ANKRD36: variants seen among roughly 807,000 people sequenced by gnomAD.
The protein encoded by ANKRD36 is ankyrin repeat domain-containing protein 36A.
ANKRD36 carries 179 observed loss-of-function variants against 278.1 expected under a neutral mutation model. The ratio of observed to expected loss-of-function variants is 0.64; its 90% confidence interval spans 0.57 to 0.73. ANKRD36 has a LOEUF of 0.73. ANKRD36 is among the 30% of genes least tolerant of loss of function. The pLI, the probability that ANKRD36 is intolerant of heterozygous loss-of-function variation, is 0.00. For missense variants in ANKRD36, 1,159 were observed against 1,956.7 expected, an observed-to-expected ratio of 0.59 and a Z score of 7.69; for synonymous variants, 320 against 641.1, an observed-to-expected ratio of 0.50 and a Z score of 7.57.
rs2058075293 is a variant in ANKRD36, at chr2:97,189,428, A to G, written c.2245+138A>G. The G allele has an allele frequency of 5.0e-5, 22 of 438,242 alleles. 7 individuals carry two copies. The highest frequency in any genetic ancestry group is 4.1e-4 in the South Asian group (22 of 54,318). 27.1% of individuals were successfully genotyped at this position (438,242 alleles called of 1,614,324 possible). A position where few individuals can be genotyped will look rare whatever the true frequency, so the allele number is the denominator to read the frequency against. On this transcript the variant is annotated intron_variant, in intron 34 of 75. Coordinates refer to ENST00000420699, the MANE Select transcript of ANKRD36 (RefSeq NM_001354587.1). ...TGATTCAGCAGGCCTGAGAGTCTTCATTTGTAATAAATTCCTGGGTGACGC... is the reference window on the plus strand; with the variant it reads ...TGATTCAGCAGGCCTGAGAGTCTTCGTTTGTAATAAATTCCTGGGTGACGC...
At chr2:97,149,811 T>G (rs1006884237) in intron 12 of ANKRD36, among the ~76,000 whole-genome samples, 1 of 151,724 alleles carries the variant, frequency 6.6e-6, no homozygotes, top group Non-Finnish European at 1.5e-5. Flanking sequence ...GCATATAGTT[T>G]CTTTTTATTT....
rs10171441 is a variant in ANKRD36, at chr2:97,211,555, C to T, written c.3377C>T (p.Pro1126Leu). ...DGEKSRTVSS[P>L]KQPALKAICD... ...CCCTTTTGCTTTTCAGTGTCTTCTC[C>T]GAAACAACCAGCATTGAAGGTAATT... The change falls in exon 57 of 76, where the codon CCG becomes CTG. Residue 1126 changes from proline (P) to leucine (L), a missense_variant. Coordinates refer to ENST00000420699, the MANE Select transcript of ANKRD36 (RefSeq NM_001354587.1). 1.5e-5 allele frequency: 24 copies of T among 1,606,004 alleles called. No individual in the cohort carries two copies. In the Admixed American group the frequency reaches 3.2e-4, roughly 21 times the overall value.
In ANKRD36 at chr2:97,181,741, T is replaced by G. The variant is rs866457597; in HGVS notation, c.1785T>G (p.Asp595Glu). The G allele has an allele frequency of 6.2e-7, 1 of 1,609,376 alleles. No individual in the cohort carries two copies. ...PAEKATSDEK[D>E]SVSNIATEIK... is the part of the protein sequence containing the mutation. Reference sequence around the variant, plus strand: ...TTCAGGCTACAAGTGACGAGAAAGATTCTGTTTCAAATATAGCCACAGAAA... The same window carrying G: ...TTCAGGCTACAAGTGACGAGAAAGAGTCTGTTTCAAATATAGCCACAGAAA... Residue 595 changes from aspartate to glutamate, a missense_variant, in exon 26 of 76, where the codon GAT becomes GAG. Physicochemically the swap from Asp to Glu is conservative, Grantham distance 45. Transcript: ENST00000420699.
rs201655948 is a variant in ANKRD36, at chr2:97,163,655, G to A, written c.1430-628G>A. ...CAGTGGCGGGATCTCGGCTCACTGC[G>A]AACTCCGCCTCCCGGGTTCACGCCA... On this transcript the variant is annotated intron_variant, in intron 18 of 75. Transcript: ENST00000420699. 2.4e-4 allele frequency: 17 copies of A among 72,000 alleles called. No individual in the cohort carries two copies. In the Middle Eastern group the frequency reaches 0.019, roughly 81 times the overall value. The allele number at this position is 72,000 out of a possible 1,614,324, so 4.5% of individuals were successfully genotyped here.
At chr2:97,193,760 A>G (rs1254971539) in intron 38 of ANKRD36, among the ~76,000 whole-genome samples, 1 of 151,682 alleles carries the variant, frequency 6.6e-6, no homozygotes, top group Non-Finnish European at 1.5e-5. Flanking sequence ...AGTTATAAAA[A>G]TCAGATAATC....
In ANKRD36 at chr2:97,189,407, T is replaced by C. The variant is rs1558614436; in HGVS notation, c.2245+117T>C. 4 of 499,572 alleles carry C rather than the reference T, an allele frequency of 8.0e-6. 1 individual carries two copies. The highest frequency in any genetic ancestry group is 2.8e-5 in the East Asian group (1 of 35,346). The allele number at this position is 499,572 out of a possible 1,614,324, so 30.9% of individuals were successfully genotyped here. A position where few individuals can be genotyped will look rare whatever the true frequency, so the allele number is the denominator to read the frequency against. The stretch of plus-strand genomic sequence containing the variant: ...GCTCGCCTAATCTGCACATTCTGAT[T>C]CAGCAGGCCTGAGAGTCTTCATTTG... On this transcript the variant is annotated intron_variant, in intron 34 of 75. Transcript: ENST00000420699.
intron 68 of ANKRD36, among the ~76,000 whole-genome samples, chr2:97,240,982 G>GT (rs763385352): frequency 0.035 from 1,832 of 53,042 alleles, 335 homozygotes; most frequent in Non-Finnish European, 0.049. Flanking sequence ...ACATAACTAT[G>GT]TTTTTTTTTT....
At chr2:97,230,467 G>A (rs181601613) in intron 67 of ANKRD36, among the ~76,000 whole-genome samples, 1 of 152,038 alleles carries the variant, frequency 6.6e-6, no homozygotes, top group East Asian at 2.0e-4. Flanking sequence ...CGTAGTTCTC[G>A]AGCCTCGGCT....
intron 13 of ANKRD36, 46 bp downstream of exon 13, chr2:97,151,985 A>ATTTGTTT (rs777353951): frequency 7.5e-7 from 1 of 1,336,884 alleles, no homozygotes; most frequent in African/African-American, 1.5e-5. Flanking sequence ...CTGATTCTTC[A>ATTTGTTT]TTTGTTTTTT....
rs1172213664 is a variant in ANKRD36, at chr2:97,209,357, A to T, written c.3266-324A>T. ...CCTGTTTTGACATTGATTCTCACGT[A>T]TATGAGTTGTTCCTCTGATTTTAGA... On this transcript the variant is annotated intron_variant, in intron 54 of 75. Transcript: ENST00000420699. 2.0e-5 allele frequency among the ~76,000 whole-genome samples: 3 copies of T among 146,834 alleles called. No individual in the cohort carries two copies. In the East Asian group the frequency reaches 5.9e-4, roughly 29 times the overall value.
chr2:97,209,997 C>T, intron 56 of ANKRD36, 125 bp downstream of exon 56: 6 of 1,398,330 alleles, frequency 4.3e-6, no homozygotes, highest in Non-Finnish European at 5.7e-6. Flanking sequence ...TGAGATTCTT[C>T]ATTTCAAATA....
In ANKRD36 at chr2:97,189,891, C is replaced by A. The variant is rs1261386400; in HGVS notation, c.2245+601C>A. Among the ~76,000 whole-genome samples, 14 of 84,320 alleles carry A rather than the reference C, an allele frequency of 1.7e-4. 3 individuals carry two copies. The highest frequency in any genetic ancestry group is 3.5e-4 in the African/African-American group (13 of 37,074). 55.3% of individuals were successfully genotyped at this position (84,320 alleles called of 152,430 possible). A position where few individuals can be genotyped will look rare whatever the true frequency, so the allele number is the denominator to read the frequency against. ...TAAAAAATATTTGATTTTGGCAGCT[C>A]CAGGAATTACTGGAAGCAGGAAACA... is the stretch of plus-strand genomic sequence containing the variant. On this transcript the variant is annotated intron_variant, in intron 34 of 75. Transcript: ENST00000420699.
At chr2:97,217,603 T>C (rs149764810) in intron 64 of ANKRD36, among the ~76,000 whole-genome samples, 1 of 152,226 alleles carries the variant, frequency 6.6e-6, no homozygotes, top group Non-Finnish European at 1.5e-5. Flanking sequence ...AGAAGAACCA[T>C]TGGAAAACAG....
chr2:97,210,650 T>C (rs2064214290), intron 56 of ANKRD36, among the ~76,000 whole-genome samples: 1 of 151,842 alleles, frequency 6.6e-6, no homozygotes, highest in African/African-American at 2.4e-5. Context: ...GAAATAGCTA[T>C]TTAATGAAAC....
At chr2:97,185,539 T>C (rs1399738644) in intron 30 of ANKRD36, 29 bp downstream of exon 30, 4 of 1,602,208 alleles carry the variant, frequency 2.5e-6, no homozygotes, top group South Asian at 1.1e-5. Flanking sequence ...TTTAATGTCA[T>C]GTTCAGTCCA....
At chr2:97,192,832 G>A in intron 36 of ANKRD36, 26 bp from the exon 37 acceptor site, 5 of 1,596,168 alleles carry the variant, frequency 3.1e-6, no homozygotes, top group Non-Finnish European at 4.3e-6. Context: ...ACATATGAGT[G>A]ATTATGTATC....
intron 75 of ANKRD36, among the ~76,000 whole-genome samples, chr2:97,260,545 A>T (rs1463543666): frequency 8.3e-6 from 1 of 120,740 alleles, no homozygotes; most frequent in Non-Finnish European, 1.6e-5. Flanking sequence ...TCATTTATAG[A>T]GTATAGGTAG....
chr2:97,140,436 T>C (rs1382258448), intron 6 of ANKRD36, among the ~76,000 whole-genome samples: 1 of 152,016 alleles, frequency 6.6e-6, no homozygotes, highest in Non-Finnish European at 1.5e-5. Flanking sequence ...GTTCATATCC[T>C]GGAAGATTCT....
chr2:97,169,570 A>G (rs1182890281), intron 22 of ANKRD36, among the ~76,000 whole-genome samples: 1 of 152,282 alleles, frequency 6.6e-6, no homozygotes, highest in African/African-American at 2.4e-5. Context: ...TTCAGCTGAT[A>G]AGCAACATCA....
Sources: gnomAD v4.1 joint callset for allele counts (sites outside exome capture counted in the v4.1 genomes callset) on GRCh38, gnomAD v4.1.1 for gene constraint, MANE v1.5 for transcripts, NCBI Gene and HGNC (gene_info 2026-07-23, HGNC 2026-07-21) for gene names.